Variants in CADM2 observed in about 807,000 individuals in gnomAD.
The protein encoded by CADM2 is cell adhesion molecule 2.
Under a neutral mutation model 49.8 loss-of-function variants are expected in CADM2, and 12 were observed. The ratio of observed to expected loss-of-function variants is 0.24; its 90% CI spans 0.15 to 0.39. CADM2 has a LOEUF of 0.39. CADM2 is among the 10% of genes least tolerant of loss of function. The pLI is 1.00. For missense variants in CADM2, 378 were observed against 492.3 expected (o/e 0.77, Z 2.20); for synonymous variants, 214 against 175.4 (o/e 1.22, Z -1.74).
chr3:85,803,902 T>G (rs909301784), intron 3 of CADM2, among the ~76,000 whole-genome samples: 21 of 152,298 alleles, frequency 1.4e-4, no homozygotes, highest in Non-Finnish European at 2.9e-5. Context: ...TAATATAAAA[T>G]TATTGACATA....
At chr3:86,023,546 C>T (rs574634423) in intron 8 of CADM2, among the ~76,000 whole-genome samples, 3 of 152,004 alleles carry the variant, frequency 2.0e-5, no homozygotes, top group Non-Finnish European at 4.4e-5. Context: ...TTAGTAGAGA[C>T]GGGGTTTCTC....
At chr3:85,751,442 A>C (rs957012669) in intron 2 of CADM2, among the ~76,000 whole-genome samples, 1 of 152,170 alleles carries the variant, frequency 6.6e-6, no homozygotes, top group Non-Finnish European at 1.5e-5. Flanking sequence ...TTTATAAAAT[A>C]TATTTGTTGA....
intron 1 of CADM2, among the ~76,000 whole-genome samples, chr3:85,241,696 T>C (rs1294818324): frequency 6.6e-6 from 1 of 151,628 alleles, no homozygotes; most frequent in African/African-American, 2.4e-5. Flanking sequence ...ATAAAATCTT[T>C]ATTTGTATAT....
At chr3:85,326,154 TCA>T (rs1384208394) in intron 1 of CADM2, among the ~76,000 whole-genome samples, 1 of 152,172 alleles carries the variant, frequency 6.6e-6, no homozygotes, top group Admixed American at 6.5e-5. Context: ...CAAATATTTC[TCA>T]GAGACTGAAA....
chr3:85,457,931 C>T (rs1231984833), intron 1 of CADM2, among the ~76,000 whole-genome samples: 3 of 152,134 alleles, frequency 2.0e-5, no homozygotes, highest in Non-Finnish European at 4.4e-5. Context: ...CTTTTCTACT[C>T]TTATTTTTCA....
At chr3:85,531,201 A>G (rs1457651663) in intron 1 of CADM2, among the ~76,000 whole-genome samples, 1 of 152,028 alleles carries the variant, frequency 6.6e-6, no homozygotes, top group Non-Finnish European at 1.5e-5. Context: ...TGATTCATTT[A>G]TATTTTTCCC....
intron 1 of CADM2, among the ~76,000 whole-genome samples, chr3:85,204,571 A>G (rs1053010361): frequency 1.3e-5 from 2 of 152,184 alleles, no homozygotes; most frequent in African/African-American, 4.8e-5. Flanking sequence ...TCATGACACT[A>G]TAATGTAATA....
chr3:85,434,457 C>T (rs2053104), intron 1 of CADM2, among the ~76,000 whole-genome samples: 131,215 of 151,850 alleles, frequency 0.86, 56,827 homozygotes, highest in East Asian at 0.95. Flanking sequence ...CAAATATGTA[C>T]TAAGGGGCTA....
chr3:85,660,548 T>C (rs1173247069), intron 1 of CADM2, among the ~76,000 whole-genome samples: 1 of 151,976 alleles, frequency 6.6e-6, no homozygotes, highest in Non-Finnish European at 1.5e-5. Context: ...CTTCAGTTCA[T>C]AGATGTGTCG....
intron 1 of CADM2, among the ~76,000 whole-genome samples, chr3:85,629,391 G>A (rs1184412561): frequency 1.3e-5 from 2 of 151,744 alleles, no homozygotes; most frequent in Non-Finnish European, 1.5e-5. Context: ...TACGGATATA[G>A]CATGCATGCA....
chr3:84,991,337 A>G (rs1312680914), intron 1 of CADM2, among the ~76,000 whole-genome samples: 1 of 152,100 alleles, frequency 6.6e-6, no homozygotes, highest in African/African-American at 2.4e-5. Context: ...CCATTTATAC[A>G]GTAGGCTTGT....
chr3:85,450,575 T>C (rs1206827393), intron 1 of CADM2, among the ~76,000 whole-genome samples: 2 of 152,058 alleles, frequency 1.3e-5, no homozygotes, highest in African/African-American at 2.4e-5. Flanking sequence ...TTACAAGTTA[T>C]ATTTTCATAA....
At chr3:85,956,417 G>A (rs553028082) in intron 7 of CADM2, among the ~76,000 whole-genome samples, 1 of 151,574 alleles carries the variant, frequency 6.6e-6, no homozygotes, top group African/African-American at 2.4e-5. Flanking sequence ...TAAGAAGCTT[G>A]AACATTTTAA....
intron 2 of CADM2, 143 bp from the exon 3 acceptor site, chr3:85,801,904 T>C (rs927908217): frequency 1.7e-6 from 1 of 592,430 alleles, no homozygotes; most frequent in Non-Finnish European, 2.8e-6. Flanking sequence ...ATTATTTTTC[T>C]GTCTTTTGTA....
intron 1 of CADM2, among the ~76,000 whole-genome samples, chr3:85,718,882 TTTATTATTATTATTATTA>T (rs71112111): frequency 1.3e-4 from 19 of 141,320 alleles, no homozygotes; most frequent in African/African-American, 2.9e-4. Flanking sequence ...TTAATGGTAT[TTTATTATTATTATTATTA>T]TTATTATTAT....
At chr3:85,568,700 G>A (rs542381446) in intron 1 of CADM2, among the ~76,000 whole-genome samples, 4 of 148,272 alleles carry the variant, frequency 2.7e-5, no homozygotes, top group Admixed American at 6.8e-5. Flanking sequence ...CCTCCTGGGA[G>A]CAGGCAATTC....
chr3:85,096,564 A>G (rs990805112), intron 1 of CADM2, among the ~76,000 whole-genome samples: 4 of 152,164 alleles, frequency 2.6e-5, no homozygotes, highest in African/African-American at 4.8e-5. Context: ...TATAATTAAC[A>G]TATCAGAATA....
intron 1 of CADM2, among the ~76,000 whole-genome samples, chr3:85,436,573 T>G (rs181510487): frequency 1.4e-4 from 22 of 152,294 alleles, no homozygotes; most frequent in Admixed American, 9.8e-4. Context: ...CTTATTATTT[T>G]GATATAGTTT....
intron 3 of CADM2, among the ~76,000 whole-genome samples, chr3:85,865,224 T>G (rs1368685881): frequency 6.6e-6 from 1 of 152,238 alleles, no homozygotes; most frequent in Non-Finnish European, 1.5e-5. Context: ...TTTCTATGCC[T>G]GCTCCTGTCT....
Sources: allele counts gnomAD v4.1 joint callset (sites outside exome capture counted in the v4.1 genomes callset), GRCh38; gene constraint gnomAD v4.1.1; transcripts MANE v1.5; gene names NCBI Gene and HGNC (gene_info 2026-07-23, HGNC 2026-07-21).